The following CHL1 variants were observed in gnomAD, a reference collection of about 807,000 sequenced individuals.
The protein encoded by CHL1 is cell adhesion molecule L1 like, also known as neural cell adhesion molecule L1-like protein.
Under a neutral mutation model 141.9 loss-of-function variants are expected in CHL1, and 96 were observed. The ratio of observed to expected loss-of-function variants is 0.68; its 90% CI spans 0.57 to 0.80. The LOEUF is 0.80. Among genes scored for constraint, CHL1 ranks in the 30% least tolerant of loss-of-function variants. The probability of loss-of-function intolerance (pLI) is 0.00; values close to 1 mark genes in which losing one functional copy is unlikely to be tolerated. For synonymous variants in CHL1, 613 were observed against 502.2 expected, an observed-to-expected ratio of 1.22 and a Z score of -2.95; for missense variants, 1,820 against 1,457.2, an observed-to-expected ratio of 1.25 and a Z score of -4.05.
intron 23 of CHL1, among the ~76,000 whole-genome samples, chr3:392,641 C>T (rs1708323602): frequency 6.6e-6 from 1 of 152,194 alleles, no homozygotes; most frequent in Non-Finnish European, 1.5e-5. Flanking sequence ...TCCCAAAACA[C>T]CAGAAATACA....
intron 2 of CHL1, among the ~76,000 whole-genome samples, chr3:253,797 G>T (rs555090351): frequency 6.6e-6 from 1 of 152,110 alleles, no homozygotes; most frequent in African/African-American, 2.4e-5. Context: ...AATATTGGAC[G>T]AATAAATGGA....
At chr3:215,942 T>C (rs533317584) in intron 1 of CHL1, among the ~76,000 whole-genome samples, 1 of 152,304 alleles carries the variant, frequency 6.6e-6, no homozygotes, top group East Asian at 1.9e-4. Flanking sequence ...TATTTACTGG[T>C]TCCACAAATC....
intron 2 of CHL1, among the ~76,000 whole-genome samples, chr3:312,940 C>T (rs919400963): frequency 6.6e-6 from 1 of 152,192 alleles, no homozygotes; most frequent in African/African-American, 2.4e-5. Flanking sequence ...CTATTTCAAG[C>T]ATCCTGAGTA....
intron 2 of CHL1, among the ~76,000 whole-genome samples, chr3:307,753 C>T (rs571096978): frequency 4.0e-5 from 6 of 151,576 alleles, no homozygotes; most frequent in African/African-American, 9.8e-5. Flanking sequence ...ATAAAGATAC[C>T]TGAAGTACAT....
Position 354,757 on chromosome 3 carries a change from G to T in CHL1, c.1151G>T (p.Gly384Val). The T allele has an allele frequency of 6.2e-7, 1 of 1,613,580 alleles. No homozygotes were observed. ...CCCACAATCAAGTGGAGAGTCAATG[G>T]CTCCCCAGTTGACAGTAAGTTTAAA... ...PQPTIKWRVN[G>V]SPVDNHPFAG... Residue 384 changes from glycine (G) to valine (V), a missense_variant, in exon 11 of 28, where the codon GGC becomes GTC. By Grantham distance (109) the Gly-to-Val change is moderately radical. Coordinates refer to ENST00000256509, the MANE Select transcript of CHL1 (RefSeq NM_006614.4).
At chr3:275,909 C>A (rs1696052244) in intron 2 of CHL1, among the ~76,000 whole-genome samples, 1 of 151,854 alleles carries the variant, frequency 6.6e-6, no homozygotes, top group South Asian at 2.1e-4. Context: ...TACTATGTGC[C>A]AAACAATTGG....
intron 1 of CHL1, among the ~76,000 whole-genome samples, chr3:217,179 C>G (rs1487181888): frequency 6.6e-6 from 1 of 151,812 alleles, no homozygotes; most frequent in East Asian, 1.9e-4. Context: ...AGAACAATAA[C>G]AGAAAAAAAA....
intron 23 of CHL1, among the ~76,000 whole-genome samples, chr3:393,614 A>T (rs1483682363): frequency 6.6e-6 from 1 of 152,078 alleles, no homozygotes; most frequent in African/African-American, 2.4e-5. Flanking sequence ...ATTGATCAAG[A>T]CATTTTAGGT....
At chr3:319,224 G>T (rs1465847359) in intron 2 of CHL1, among the ~76,000 whole-genome samples, 6 of 119,344 alleles carry the variant, frequency 5.0e-5, no homozygotes, top group African/African-American at 2.3e-4. Flanking sequence ...ACTACTAGAT[G>T]GGGGAGGGTA....
At chr3:386,015 C>T (rs1396837123) in intron 19 of CHL1, among the ~76,000 whole-genome samples, 1 of 151,910 alleles carries the variant, frequency 6.6e-6, no homozygotes, top group Non-Finnish European at 1.5e-5. Context: ...ACTACTGACA[C>T]AGCCAGTGAA....
intron 13 of CHL1, among the ~76,000 whole-genome samples, chr3:362,521 T>A (rs893918761): frequency 2.6e-5 from 4 of 152,174 alleles, no homozygotes; most frequent in Non-Finnish European, 5.9e-5. Flanking sequence ...CTGAGATGTT[T>A]GGCACCCTGT....
intron 15 of CHL1, among the ~76,000 whole-genome samples, chr3:377,355 CTG>C (rs1706462552): frequency 6.6e-6 from 1 of 152,146 alleles, no homozygotes; most frequent in African/African-American, 2.4e-5. Context: ...TTGTGAAAAA[CTG>C]AGATTATCCG....
At chr3:246,302 T>C (rs1211604887) in intron 2 of CHL1, among the ~76,000 whole-genome samples, 1 of 152,078 alleles carries the variant, frequency 6.6e-6, no homozygotes, top group Non-Finnish European at 1.5e-5. Context: ...AAATGGATGG[T>C]AACCCGCAAA....
intron 2 of CHL1, among the ~76,000 whole-genome samples, chr3:253,728 C>G (rs1208434881): frequency 1.3e-5 from 2 of 152,116 alleles, no homozygotes; most frequent in Admixed American, 6.6e-5. Flanking sequence ...TGAACAAAAA[C>G]TTGCAGTACT....
chr3:207,095 T>C (rs1418393202), intron 1 of CHL1, among the ~76,000 whole-genome samples: 1 of 152,208 alleles, frequency 6.6e-6, no homozygotes, highest in Non-Finnish European at 1.5e-5. Context: ...AAAAGGCAAC[T>C]CTATTTCAGG....
chr3:236,370 T>C lies in CHL1; in HGVS notation c.-174-8243T>C, dbSNP rs570606394. 3.3e-5 allele frequency among the ~76,000 whole-genome samples: 5 copies of C among 152,270 alleles called. No individual in the cohort carries two copies. In the South Asian group the frequency reaches 1.0e-3, roughly 32 times the overall value. Reference sequence around the variant, plus strand: ...CCAAAGTGTCTGAGTGTTACTGATATCATCAATCAGCCCCAGGTCCTTCTA... The same window carrying C: ...CCAAAGTGTCTGAGTGTTACTGATACCATCAATCAGCCCCAGGTCCTTCTA... On this transcript the variant is annotated intron_variant, in intron 1 of 27. Coordinates refer to ENST00000256509, the MANE Select transcript of CHL1 (RefSeq NM_006614.4).
intron 5 of CHL1, among the ~76,000 whole-genome samples, chr3:337,827 A>G (rs1225631133): frequency 6.6e-6 from 1 of 152,206 alleles, no homozygotes; most frequent in African/African-American, 2.4e-5. Context: ...GTGACACAAT[A>G]AACATATGTG....
At chr3:315,025 A>G (rs922732782) in intron 2 of CHL1, among the ~76,000 whole-genome samples, 4 of 152,084 alleles carry the variant, frequency 2.6e-5, no homozygotes, top group African/African-American at 7.2e-5. Flanking sequence ...TTATTTTGTA[A>G]GTTGTTATGA....
chr3:344,101 G>C (rs1365438037), intron 8 of CHL1, among the ~76,000 whole-genome samples: 3 of 152,182 alleles, frequency 2.0e-5, no homozygotes, highest in African/African-American at 7.2e-5. Context: ...GTTGCCGAAA[G>C]AGCTTGATAA....
Sources: gnomAD v4.1 joint callset for allele counts (sites outside exome capture counted in the v4.1 genomes callset) on GRCh38, gnomAD v4.1.1 for gene constraint, MANE v1.5 for transcripts, NCBI Gene and HGNC (gene_info 2026-07-23, HGNC 2026-07-21) for gene names.